The following PEBP4 variants were observed in gnomAD, a reference collection of about 807,000 sequenced individuals.
The protein encoded by PEBP4 is phosphatidylethanolamine binding protein 4, also known as phosphatidylethanolamine-binding protein 4.
Under a neutral mutation model 23.9 loss-of-function variants are expected in PEBP4, and 22 were observed. The observed-to-expected ratio is 0.92, with a 90% confidence interval of 0.66 to 1.31. The LOEUF (loss-of-function observed/expected upper bound fraction) is 1.31. PEBP4 is among the 40% of genes most tolerant of loss of function. The pLI is 0.00. For missense variants in PEBP4, 324 were observed against 281.7 expected (o/e 1.15, Z -1.07); for synonymous variants, 112 against 99.3 (o/e 1.13, Z -0.76).
chr8:22,713,647 G>A (rs1026968561), intron 6 of PEBP4, 111 bp from the exon 7 acceptor site: 3 of 1,472,604 alleles, frequency 2.0e-6, no homozygotes, highest in South Asian at 2.4e-5. Flanking sequence ...AGCAGGTGAT[G>A]CGATGGCCAT....
chr8:22,751,547 G>A (rs1240627419), intron 4 of PEBP4, among the ~76,000 whole-genome samples: 1 of 151,784 alleles, frequency 6.6e-6, no homozygotes, highest in African/African-American at 2.4e-5. Flanking sequence ...TTGCTGGGCT[G>A]CTGAAACAGG....
chr8:22,923,680 A>G (rs1228122902), intron 2 of PEBP4, among the ~76,000 whole-genome samples: 1 of 152,078 alleles, frequency 6.6e-6, no homozygotes, highest in Non-Finnish European at 1.5e-5. Flanking sequence ...CAAAATTTAT[A>G]TGTTGGAATT....
Position 22,713,662 on chromosome 8 carries a change from C to T in PEBP4, c.518-126G>A, listed in dbSNP as rs569294832. On this transcript the variant is annotated intron_variant, in intron 6 of 6. Coordinates refer to ENST00000256404, the MANE Select transcript of PEBP4 (RefSeq NM_144962.3). ...AGCAGGTGATGCGATGGCCATGGGG[C>T]GTAGTGGCTGGGGGAGCTTCCGGCT... 7.7e-5 allele frequency: 104 copies of T among 1,349,128 alleles called. No individual in the cohort carries two copies. The African/African-American group carries it at 1.3e-3, about 16-fold the overall frequency. The allele number at this position is 1,349,128 out of a possible 1,614,324, so 83.6% of individuals were successfully genotyped here.
intron 6 of PEBP4, among the ~76,000 whole-genome samples, chr8:22,718,859 G>C (rs1804464499): frequency 6.6e-6 from 1 of 152,130 alleles, no homozygotes; most frequent in African/African-American, 2.4e-5. Flanking sequence ...CATGCTTCCT[G>C]ACACCATGTG....
At chr8:22,785,126 G>A (rs1006274611) in intron 4 of PEBP4, among the ~76,000 whole-genome samples, 6 of 152,316 alleles carry the variant, frequency 3.9e-5, no homozygotes, top group South Asian at 4.1e-4. Flanking sequence ...GCAGTGGGAC[G>A]ACAGGGCAGC....
At chr8:22,735,433 G>A (rs927322615) in intron 4 of PEBP4, among the ~76,000 whole-genome samples, 13 of 152,222 alleles carry the variant, frequency 8.5e-5, no homozygotes, top group African/African-American at 3.1e-4. Context: ...ATAAATGTGT[G>A]CATGAGACAT....
At chr8:22,754,482 G>T (rs55771047) in intron 4 of PEBP4, among the ~76,000 whole-genome samples, 47,221 of 152,116 alleles carry the variant, frequency 0.31, 7,823 homozygotes, top group East Asian at 0.63. Flanking sequence ...CCAAGTAGAT[G>T]CCTGGGAGAT....
intron 4 of PEBP4, 114 bp downstream of exon 4, chr8:22,817,523 G>T: frequency 1.0e-6 from 1 of 954,556 alleles, no homozygotes; most frequent in Non-Finnish European, 1.6e-6. Context: ...GGGGGAGATG[G>T]GACACAGAAG....
chr8:22,731,171 CAG>C (rs1426474180), intron 4 of PEBP4, among the ~76,000 whole-genome samples: 2 of 152,180 alleles, frequency 1.3e-5, no homozygotes, highest in African/African-American at 2.4e-5. Flanking sequence ...CACCTATAAA[CAG>C]ATGTTTTTTC....
chr8:22,724,863 G>A lies in PEBP4; in HGVS notation c.497C>T (p.Pro166Leu). ...LQEGKVISLL[P>L]KENKTRGSWK... ...CTTACCTCGAGTTTTGTTTTCCTTGGGAAGGAGAGAGATGACTTTTCCTTC... is the reference window on the plus strand; with the variant it reads ...CTTACCTCGAGTTTTGTTTTCCTTGAGAAGGAGAGAGATGACTTTTCCTTC... The change falls in exon 6 of 7, where the codon CCC (proline) becomes CTC (leucine). Residue 166 changes from proline (P) to leucine (L), a missense_variant. Coordinates refer to ENST00000256404, the MANE Select transcript of PEBP4 (RefSeq NM_144962.3). 1 of 1,613,846 alleles carries A rather than the reference G, an allele frequency of 6.2e-7. No individual in the cohort carries two copies. Among genetic ancestry groups the A allele is most frequent in the Non-Finnish European group, 8.5e-7 (1 of 1,179,752 alleles).
In PEBP4 at chr8:22,834,129, G is replaced by C. The variant is rs1028614364; in HGVS notation, c.259-16394C>G. 3.3e-5 allele frequency among the ~76,000 whole-genome samples: 5 copies of C among 152,210 alleles called. No individual in the cohort carries two copies. The East Asian group carries it at 5.8e-4, about 18-fold the overall frequency. ...TCCAGCACCCAATTGAGAAGCTGAA[G>C]TCACAAACACAAGTCGCCCTGCGCT... On this transcript the variant is annotated intron_variant, in intron 3 of 6. Transcript: ENST00000256404.
intron 4 of PEBP4, among the ~76,000 whole-genome samples, chr8:22,785,010 C>T (rs986625271): frequency 3.9e-5 from 6 of 152,136 alleles, no homozygotes; most frequent in Non-Finnish European, 8.8e-5. Context: ...GCACGGTTTG[C>T]GCATGTGAGC....
intron 3 of PEBP4, among the ~76,000 whole-genome samples, chr8:22,853,234 C>T (rs1807582073): frequency 6.6e-6 from 1 of 152,122 alleles, no homozygotes; most frequent in Admixed American, 6.5e-5. Flanking sequence ...ACTCCTTTCC[C>T]ACACTGGCCT....
intron 4 of PEBP4, among the ~76,000 whole-genome samples, chr8:22,741,569 C>T (rs891923368): frequency 6.6e-6 from 1 of 152,164 alleles, no homozygotes; most frequent in Non-Finnish European, 1.5e-5. Flanking sequence ...TGACAGAGCC[C>T]CAGGGAGAGG....
At chr8:22,722,702 G>A (rs964708901) in intron 6 of PEBP4, among the ~76,000 whole-genome samples, 3 of 152,146 alleles carry the variant, frequency 2.0e-5, no homozygotes, top group South Asian at 2.1e-4. Flanking sequence ...CCAGCACAGC[G>A]CTGGGCACAT....
rs534611021 is a variant in PEBP4, at chr8:22,832,270, G to A, written c.259-14535C>T. 3.9e-5 allele frequency among the ~76,000 whole-genome samples: 6 copies of A among 152,272 alleles called. No homozygotes were observed. The East Asian group carries it at 7.7e-4, about 20-fold the overall frequency. ...TGTTCGGACGTGGGGCCTCTGGGAG[G>A]TAGTGATGAGGGTGGAGCCCTTGTG... is the stretch of plus-strand genomic sequence containing the variant. On this transcript the variant is annotated intron_variant, in intron 3 of 6. Transcript: ENST00000256404.
At chr8:22,778,325 G>A (rs1230711605) in intron 4 of PEBP4, among the ~76,000 whole-genome samples, 1 of 151,770 alleles carries the variant, frequency 6.6e-6, no homozygotes, top group East Asian at 1.9e-4. Flanking sequence ...GGATCCTGTT[G>A]CCCGGAAGAT....
intron 4 of PEBP4, among the ~76,000 whole-genome samples, chr8:22,801,126 A>G (rs1454264808): frequency 6.6e-6 from 1 of 152,180 alleles, no homozygotes; most frequent in Non-Finnish European, 1.5e-5. Flanking sequence ...CAATGAGATC[A>G]TGCTGGGGAA....
At chr8:22,733,266 C>A (rs7001279) in intron 4 of PEBP4, among the ~76,000 whole-genome samples, 33,394 of 152,140 alleles carry the variant, frequency 0.22, 3,912 homozygotes, top group Admixed American at 0.28. Context: ...GGGTATAGTC[C>A]AAGTCCGTGG....
Sources: allele counts gnomAD v4.1 joint callset (sites outside exome capture counted in the v4.1 genomes callset), GRCh38; gene constraint gnomAD v4.1.1; transcripts MANE v1.5; gene names NCBI Gene and HGNC (gene_info 2026-07-23, HGNC 2026-07-21).